C9: variants seen among roughly 807,000 people sequenced by gnomAD.
The protein encoded by C9 is complement C9.
A neutral mutation model predicts 65.4 loss-of-function variants in C9; 63 were observed. The ratio of observed to expected loss-of-function variants is 0.96; its 90% CI spans 0.79 to 1.19. The LOEUF is 1.19. Among genes scored for constraint, C9 ranks in the 50% most tolerant of loss-of-function variants. C9 has a pLI of 0.00. For synonymous variants in C9, 229 were observed against 227.9 expected, an observed-to-expected ratio of 1.00 and a Z score of -0.04; for missense variants, 744 against 670.1, an observed-to-expected ratio of 1.11 and a Z score of -1.22.
chr5:39,339,626 G>T (rs1391025565), intron 4 of C9, among the ~76,000 whole-genome samples: 2 of 146,658 alleles, frequency 1.4e-5, no homozygotes, highest in East Asian at 4.0e-4. Flanking sequence ...CAGCTACAAT[G>T]GTCTCCAGAT....
intron 1 of C9, among the ~76,000 whole-genome samples, chr5:39,362,853 G>A (rs1754545545): frequency 6.6e-6 from 1 of 152,154 alleles, no homozygotes; most frequent in Non-Finnish European, 1.5e-5. Context: ...TTCAGAGCAG[G>A]GCAACCGGGG....
intron 9 of C9, among the ~76,000 whole-genome samples, chr5:39,299,193 A>G (rs183061848): frequency 1.1e-4 from 17 of 152,104 alleles, no homozygotes; most frequent in Non-Finnish European, 4.4e-5. Context: ...ATTTCAGATG[A>G]CATGATTATC....
At chr5:39,333,893 C>G in intron 4 of C9, among the ~76,000 whole-genome samples, 1 of 152,348 alleles carries the variant, frequency 6.6e-6, no homozygotes, top group Non-Finnish European at 1.5e-5. Context: ...GGATTGCAGA[C>G]AGAGTCTCGT....
chr5:39,289,350 G>T (rs1056317751), intron 9 of C9, among the ~76,000 whole-genome samples: 1 of 151,742 alleles, frequency 6.6e-6, no homozygotes, highest in Non-Finnish European at 1.5e-5. Flanking sequence ...AAGGTAACCA[G>T]ATGCTTGCTA....
chr5:39,330,745 AAC>A (rs1391077627), intron 5 of C9, among the ~76,000 whole-genome samples: 2 of 152,238 alleles, frequency 1.3e-5, no homozygotes, highest in African/African-American at 4.8e-5. Flanking sequence ...AGGTATAAGA[AAC>A]ATGACTACAT....
At chr5:39,338,670 T>C (rs1383147923) in intron 4 of C9, among the ~76,000 whole-genome samples, 4 of 152,192 alleles carry the variant, frequency 2.6e-5, no homozygotes, top group African/African-American at 4.8e-5. Flanking sequence ...AAGACCTACT[T>C]CATTTTCCAT....
chr5:39,348,741 A>C (rs1360214142), intron 1 of C9, among the ~76,000 whole-genome samples: 1 of 152,216 alleles, frequency 6.6e-6, no homozygotes, highest in African/African-American at 2.4e-5. Context: ...TTGTGGCACT[A>C]TTCACAATAG....
At chr5:39,358,417 A>G (rs1754446617) in intron 1 of C9, among the ~76,000 whole-genome samples, 1 of 152,146 alleles carries the variant, frequency 6.6e-6, no homozygotes, top group Admixed American at 6.5e-5. Flanking sequence ...GAGAGTGCAA[A>G]TGCCCTGGGG....
chr5:39,322,776 T>G (rs1753685225), intron 5 of C9, among the ~76,000 whole-genome samples: 1 of 152,112 alleles, frequency 6.6e-6, no homozygotes, highest in African/African-American at 2.4e-5. Flanking sequence ...ATTTCCCTTG[T>G]CATTATCTTC....
intron 9 of C9, among the ~76,000 whole-genome samples, chr5:39,298,379 CA>C (rs903780717): frequency 2.0e-5 from 3 of 150,888 alleles, no homozygotes; most frequent in African/African-American, 7.3e-5. Context: ...TTTGAGATTA[CA>C]AAAAATGATA....
intron 1 of C9, among the ~76,000 whole-genome samples, chr5:39,358,039 G>A: frequency 6.6e-6 from 1 of 152,152 alleles, no homozygotes. Context: ...CCCAGCCCAA[G>A]TGACAGACAT....
intron 9 of C9, among the ~76,000 whole-genome samples, chr5:39,292,239 C>G (rs904610615): frequency 6.6e-6 from 1 of 151,080 alleles, no homozygotes. Context: ...ATGCTACAAG[C>G]AGAAGGTCAA....
intron 1 of C9, among the ~76,000 whole-genome samples, chr5:39,347,105 C>G (rs1486952247): frequency 6.6e-6 from 1 of 152,158 alleles, no homozygotes; most frequent in African/African-American, 2.4e-5. Context: ...CCTTTGAAAA[C>G]TGGCAAAAGA....
At chr5:39,356,396 G>A (rs1330425445) in intron 1 of C9, among the ~76,000 whole-genome samples, 3 of 152,152 alleles carry the variant, frequency 2.0e-5, no homozygotes, top group Non-Finnish European at 4.4e-5. Flanking sequence ...AGTAACTTCT[G>A]CATCTAATAG....
intron 9 of C9, among the ~76,000 whole-genome samples, chr5:39,295,205 A>C (rs773119119): frequency 6.6e-6 from 1 of 151,936 alleles, no homozygotes; most frequent in Non-Finnish European, 1.5e-5. Context: ...AATCCGAGCC[A>C]GAGCACTTAG....
intron 5 of C9, among the ~76,000 whole-genome samples, chr5:39,320,923 T>G (rs1260324134): frequency 2.0e-5 from 3 of 152,112 alleles, no homozygotes; most frequent in South Asian, 2.1e-4. Context: ...ATAGTATACT[T>G]GGCAATTCTG....
chr5:39,349,788 A>G (rs1398077993), intron 1 of C9, among the ~76,000 whole-genome samples: 1 of 152,052 alleles, frequency 6.6e-6, no homozygotes, highest in Non-Finnish European at 1.5e-5. Flanking sequence ...CTTGGATTAT[A>G]GGGTCTTTCT....
In C9 at chr5:39,335,492, C is replaced by T. The variant is rs1378256470; in HGVS notation, c.477-3678G>A. Among the ~76,000 whole-genome samples the T allele has an allele frequency of 1.7e-4, 26 of 152,150 alleles. 1 individual carries two copies. The highest frequency in any genetic ancestry group is 2.9e-5 in the Non-Finnish European group (2 of 68,024). ...TTTGGAAAAAAATGTACATGATAAG[C>T]ACGTACAAACTTTTTTTCTCTTGTA... On this transcript the variant is annotated intron_variant, in intron 4 of 10. Transcript: ENST00000263408.
chr5:39,310,788 TATTG>T (rs1224336970), intron 7 of C9, among the ~76,000 whole-genome samples: 2 of 152,204 alleles, frequency 1.3e-5, no homozygotes, highest in Non-Finnish European at 2.9e-5. Flanking sequence ...TGAACTAGTC[TATTG>T]ATTAAGAAGT....
Sources: gnomAD v4.1 joint callset for allele counts (sites outside exome capture counted in the v4.1 genomes callset) on GRCh38, gnomAD v4.1.1 for gene constraint, MANE v1.5 for transcripts, NCBI Gene and HGNC (gene_info 2026-07-23, HGNC 2026-07-21) for gene names.